Variants in NPAS2 observed in about 807,000 individuals in gnomAD.
NPAS2 encodes neuronal PAS domain protein 2, also known as neuronal PAS domain-containing protein 2.
A neutral mutation model predicts 107.5 loss-of-function variants in NPAS2; 23 were observed. That is an observed-to-expected ratio of 0.21 (90% CI 0.15 to 0.30). The LOEUF is 0.30. Ranked by LOEUF, NPAS2 falls within the 10% of genes least tolerant of loss-of-function variation. NPAS2 has a pLI of 1.00. For synonymous variants in NPAS2, 403 were observed against 417.5 expected, an observed-to-expected ratio of 0.97 and a Z score of 0.42; for missense variants, 756 against 1,043.3, an observed-to-expected ratio of 0.72 and a Z score of 3.79.
chr2:100,943,184 G>T (rs1193535112), intron 5 of NPAS2, among the ~76,000 whole-genome samples: 1 of 152,212 alleles, frequency 6.6e-6, no homozygotes, highest in African/African-American at 2.4e-5. Context: ...TGGAGACGTC[G>T]CAGTGCTGTG....
At position 100,828,804 on chromosome 2, in the gene NPAS2, T is replaced by C. The variant is rs193266150; in HGVS notation, c.-23+8390T>C. Among the ~76,000 whole-genome samples, 391 of 152,326 alleles carry C rather than the reference T, an allele frequency of 2.6e-3. 1 individual carries two copies. The highest frequency in any genetic ancestry group is 8.9e-3 in the African/African-American group (369 of 41,570). On this transcript the variant is annotated intron_variant, in intron 1 of 20. Transcript: ENST00000335681. ...TGCTGTTTTGGTTACTGTAGCCTTA[T>C]AGTATAGTTAGAAGTTGGGTAATAT... is the stretch of plus-strand genomic sequence containing the variant.
At chr2:100,903,167 C>G (rs2104765766) in intron 1 of NPAS2, among the ~76,000 whole-genome samples, 1 of 152,318 alleles carries the variant, frequency 6.6e-6, no homozygotes, top group Non-Finnish European at 1.5e-5. Flanking sequence ...TGGTAAAGAA[C>G]ACAGCGTGGC....
intron 1 of NPAS2, among the ~76,000 whole-genome samples, chr2:100,850,000 A>T (rs1678047743): frequency 7.2e-6 from 1 of 138,398 alleles, no homozygotes; most frequent in Non-Finnish European, 1.5e-5. Flanking sequence ...ATCTAACAGT[A>T]ACTCTTTTTG....
At position 100,820,265 on chromosome 2, in the gene NPAS2, G is replaced by GCGGCGA. The variant is rs1291769235; in HGVS notation, c.-168_-167insGACGGC. 6.7e-6 allele frequency: 1 copy of GCGGCGA among 148,986 alleles called. No individual in the cohort carries two copies. Among genetic ancestry groups the GCGGCGA allele is most frequent in the Non-Finnish European group, 1.5e-5 (1 of 67,768 alleles). 9.2% of individuals were successfully genotyped at this position (148,986 alleles called of 1,614,324 possible). A position where few individuals can be genotyped will look rare whatever the true frequency, so the allele number is the denominator to read the frequency against. On this transcript the variant is annotated 5_prime_UTR_variant, in exon 1 of 21. Transcript: ENST00000335681. The surrounding 1 kb of genome is among the most constrained non-coding windows in gnomAD (Gnocchi z 5.6). ...CGCAGCCGCGGCGGCGGCGGCGGCG[G>GCGGCGA]CGGCAGCAGCTAGAGCAGCGCCTCC...
chr2:100,945,766 G>A (rs766332446), intron 5 of NPAS2, among the ~76,000 whole-genome samples: 8 of 152,312 alleles, frequency 5.3e-5, no homozygotes, highest in Admixed American at 3.3e-4. Context: ...CTGTCTGGCA[G>A]ACACTGTCTT....
At position 100,977,901 on chromosome 2, in the gene NPAS2, C is replaced by T. The variant is rs58248145; in HGVS notation, c.1482+102C>T. ...ACTTAGGTCCCAACCAAGGCCCTGA[C>T]GTGGGGGAATGTCCCTCCCAATGTG... On this transcript the variant is annotated intron_variant, in intron 15 of 20. Transcript: ENST00000335681. 3,733 of 984,306 alleles carry T rather than the reference C, an allele frequency of 3.8e-3. 97 individuals are homozygous for T. In the African/African-American group the frequency reaches 0.051, roughly 13 times the overall value. The allele number at this position is 984,306 out of a possible 1,614,324, so 61.0% of individuals were successfully genotyped here. A position where few individuals can be genotyped will look rare whatever the true frequency, so the allele number is the denominator to read the frequency against.
chr2:100,856,648 T>C (rs1244871773), intron 1 of NPAS2, among the ~76,000 whole-genome samples: 2 of 151,020 alleles, frequency 1.3e-5, no homozygotes, highest in Non-Finnish European at 2.9e-5. Flanking sequence ...TCCGAGTGCA[T>C]TGCATCTGCT....
At chr2:100,837,783 G>T (rs146621049) in intron 1 of NPAS2, among the ~76,000 whole-genome samples, 1 of 152,178 alleles carries the variant, frequency 6.6e-6, no homozygotes, top group Non-Finnish European at 1.5e-5. Context: ...ACAGTTGGGC[G>T]TATGCTGGGA....
At chr2:100,832,173 A>G (rs1393878230) in intron 1 of NPAS2, among the ~76,000 whole-genome samples, 2 of 152,054 alleles carry the variant, frequency 1.3e-5, no homozygotes, top group Non-Finnish European at 1.5e-5. Context: ...GCATTCTATC[A>G]CATTCCATGG....
chr2:100,936,979 C>CAAA (rs34968729), intron 4 of NPAS2, among the ~76,000 whole-genome samples: 42 of 74,476 alleles, frequency 5.6e-4, no homozygotes, highest in East Asian at 1.4e-3. Context: ...GACTCCATCT[C>CAAA]AAAAAAAAAA....
rs147829553 is a variant in NPAS2, at chr2:100,992,959, T to C, written c.2112-388T>C. Reference sequence around the variant, plus strand: ...TTTTTTTTTGCTTTGAGACGGAGTCTCACTCTGTCGCCCAGGCTGGAGTGC... The same window carrying C: ...TTTTTTTTTGCTTTGAGACGGAGTCCCACTCTGTCGCCCAGGCTGGAGTGC... On this transcript the variant is annotated intron_variant, in intron 19 of 20. Transcript: ENST00000335681. Among the ~76,000 whole-genome samples, 737 of 152,014 alleles carry C rather than the reference T, an allele frequency of 4.8e-3. 8 individuals are homozygous for C. The highest frequency in any genetic ancestry group is 0.017 in the African/African-American group (710 of 41,414).
intron 2 of NPAS2, among the ~76,000 whole-genome samples, chr2:100,905,583 G>A (rs947178984): frequency 6.6e-6 from 1 of 152,112 alleles, no homozygotes; most frequent in East Asian, 1.9e-4. Context: ...TCATTCGGGT[G>A]GAGGCCCAGC....
chr2:100,952,151 CAAAAAAAAAAA>C (rs35401096), intron 7 of NPAS2, among the ~76,000 whole-genome samples: 1,816 of 66,870 alleles, frequency 0.027, 40 homozygotes, highest in East Asian at 0.14. Context: ...GACTCTGTCT[CAAAAAAAAAAA>C]AAAAAAAAAG....
intron 1 of NPAS2, among the ~76,000 whole-genome samples, chr2:100,829,118 G>A (rs1277198261): frequency 6.6e-6 from 1 of 151,444 alleles, no homozygotes. Context: ...TCACCTCTTT[G>A]GTTAGCTGTA....
rs1407701740 is a variant in NPAS2 at position 100,820,269 on chromosome 2, CAGCAGCTAG to C, written c.-161_-153del. ...GCCGCGGCGGCGGCGGCGGCGGCGG[CAGCAGCTAG>C]AGCAGCGCCTCCCGCCGCCGCCCGG... is the stretch of plus-strand genomic sequence containing the variant. On this transcript the variant is annotated 5_prime_UTR_variant, in exon 1 of 21. Coordinates refer to ENST00000335681, the MANE Select transcript of NPAS2 (RefSeq NM_002518.4). This position sits in a 1 kb window ranked among gnomAD's most constrained non-coding sequence, Gnocchi z 5.6. 4 of 148,802 alleles carry C rather than the reference CAGCAGCTAG, an allele frequency of 2.7e-5. 1 individual carries two copies. Among genetic ancestry groups the C allele is most frequent in the African/African-American group, 9.8e-5 (4 of 40,644 alleles). The allele number at this position is 148,802 out of a possible 1,614,324, so 9.2% of individuals were successfully genotyped here.
At chr2:100,964,285 C>G in intron 8 of NPAS2, 109 bp downstream of exon 8, 1 of 807,454 alleles carries the variant, frequency 1.2e-6, no homozygotes, top group Non-Finnish European at 2.1e-6. Flanking sequence ...GTGAAGTTGT[C>G]ACTGGCTTTG....
At chr2:100,870,584 G>C (rs1207916598) in intron 1 of NPAS2, among the ~76,000 whole-genome samples, 1 of 151,986 alleles carries the variant, frequency 6.6e-6, no homozygotes. Context: ...TTGTAGAGAT[G>C]GGGTTTTGCC....
chr2:100,987,959 A>C (rs1218757331), intron 16 of NPAS2, 120 bp from the exon 17 acceptor site: 1 of 1,060,428 alleles, frequency 9.4e-7, no homozygotes. Context: ...GGAGTAAATG[A>C]ACTATTTCTA....
At chr2:100,966,178 G>A (rs375110499) in intron 10 of NPAS2, among the ~76,000 whole-genome samples, 39 of 152,118 alleles carry the variant, frequency 2.6e-4, no homozygotes, top group African/African-American at 9.4e-4. Flanking sequence ...CTGGCATATG[G>A]GGATGATCAG....
Sources: allele counts gnomAD v4.1 joint callset (sites outside exome capture counted in the v4.1 genomes callset), GRCh38; gene constraint gnomAD v4.1.1; non-coding constraint Gnocchi (gnomAD v3.1); transcripts MANE v1.5; gene names NCBI Gene and HGNC (gene_info 2026-07-23, HGNC 2026-07-21).